NETO1: variants seen among roughly 807,000 people sequenced by gnomAD.
NETO1 encodes neuropilin and tolloid like 1.
NETO1 carries 26 observed loss-of-function variants against 61.3 expected under a neutral mutation model. The observed-to-expected ratio is 0.42, with a 90% CI of 0.31 to 0.59. NETO1 has a LOEUF of 0.59. NETO1 is among the 20% of genes least tolerant of loss of function. The probability of loss-of-function intolerance (pLI) is 0.12; values close to 1 mark genes in which losing one functional copy is unlikely to be tolerated. For synonymous variants in NETO1, 225 were observed against 225.8 expected (o/e 1.00, Z 0.03); for missense variants, 531 against 662.8 (o/e 0.80, Z 2.18).
intron 3 of NETO1, among the ~76,000 whole-genome samples, chr18:72,860,372 G>A (rs528939364): frequency 3.9e-5 from 6 of 152,020 alleles, no homozygotes; most frequent in South Asian, 2.1e-4. Context: ...AAATATACAC[G>A]GAACATCATC....
chr18:72,837,239 G>C (rs1249516286), intron 4 of NETO1, among the ~76,000 whole-genome samples: 2 of 152,144 alleles, frequency 1.3e-5, no homozygotes, highest in African/African-American at 4.8e-5. Flanking sequence ...ATGAGCGCAA[G>C]TTTGGACATC....
intron 7 of NETO1, among the ~76,000 whole-genome samples, chr18:72,756,868 G>A (rs558240717): frequency 4.6e-5 from 7 of 152,138 alleles, no homozygotes; most frequent in East Asian, 3.9e-4. Flanking sequence ...AAATAATGAT[G>A]AGAAAACATG....
chr18:72,763,149 C>A (rs1179101393), intron 7 of NETO1, among the ~76,000 whole-genome samples: 1 of 145,610 alleles, frequency 6.9e-6, no homozygotes, highest in African/African-American at 2.5e-5. Flanking sequence ...TTTTTGAAAT[C>A]CAGAAATCTG....
At chr18:72,754,130 C>T (rs1052393408) in intron 8 of NETO1, among the ~76,000 whole-genome samples, 3 of 152,042 alleles carry the variant, frequency 2.0e-5, no homozygotes, top group Admixed American at 2.0e-4. Context: ...AAATCTAATA[C>T]ATTCTGAGAA....
chr18:72,862,664 G>T lies in NETO1; in HGVS notation c.220+2144C>A, dbSNP rs9945266. ...GAGACAGAGTCTCGCTCTGTCACCC[G>T]GGCTGGAGCGCAGTGGTGCGATCTC... On this transcript the variant is annotated intron_variant, in intron 3 of 10. Coordinates refer to ENST00000327305, the MANE Select transcript of NETO1 (RefSeq NM_138966.5). 4.4e-5 allele frequency among the ~76,000 whole-genome samples: 6 copies of T among 137,210 alleles called. No individual in the cohort carries two copies. In the South Asian group the frequency reaches 1.4e-3, roughly 32 times the overall value. 90.0% of individuals were successfully genotyped at this position (137,210 alleles called of 152,430 possible). A position where few individuals can be genotyped will look rare whatever the true frequency, so the allele number is the denominator to read the frequency against.
chr18:72,847,731 G>A (rs12456017), intron 4 of NETO1, among the ~76,000 whole-genome samples: 45,801 of 152,058 alleles, frequency 0.3, 7,044 homozygotes, highest in East Asian at 0.45. Context: ...TGCATTTGGT[G>A]CATTTGGAAC....
rs1298175487 is a variant in NETO1, at chr18:72,832,861, T to C, written c.469+25965A>G. On this transcript the variant is annotated intron_variant, in intron 4 of 10. Transcript: ENST00000327305. ...TACAGATTTATACACAAATTAATCATAATCATGTTTTCTGAACAGACAGAT... is the reference window on the plus strand; with the variant it reads ...TACAGATTTATACACAAATTAATCACAATCATGTTTTCTGAACAGACAGAT... Among the ~76,000 whole-genome samples, 5 of 152,228 alleles carry C rather than the reference T, an allele frequency of 3.3e-5. 1 individual carries two copies. The highest frequency in any genetic ancestry group is 1.9e-4 in the East Asian group (1 of 5,194).
chr18:72,851,686 G>A (rs746573520), intron 4 of NETO1, among the ~76,000 whole-genome samples: 2 of 152,120 alleles, frequency 1.3e-5, no homozygotes, highest in Non-Finnish European at 2.9e-5. Context: ...GACATTGCGA[G>A]TGGAAAAACA....
In NETO1 at chr18:72,750,249, C is replaced by A. The variant is rs1381465396; in HGVS notation, c.1354G>T (p.Ala452Ser). ...GTGGGCATCTCTGTCAAGATAGAAG[C>A]ATCTCTTGTGCTGAGGTTACTGCGG... is the stretch of plus-strand genomic sequence containing the variant. ...GSRSNLSTRD[A>S]SILTEMPTQP... The change falls in exon 9 of 11, where the codon GCT (alanine) becomes TCT (serine). Residue 452 changes from alanine to serine, a missense_variant. Transcript: ENST00000327305. 1 of 1,614,092 alleles carries A rather than the reference C, an allele frequency of 6.2e-7. No individual in the cohort carries two copies. Among genetic ancestry groups the A allele is most frequent in the Admixed American group, 1.7e-5 (1 of 59,994 alleles).
At chr18:72,792,604 C>T (rs1329261825) in intron 6 of NETO1, among the ~76,000 whole-genome samples, 3 of 151,536 alleles carry the variant, frequency 2.0e-5, no homozygotes, top group Admixed American at 6.6e-5. Flanking sequence ...CTTCTGCTTG[C>T]AGTGTTGACT....
At chr18:72,865,504 A>C in intron 1 of NETO1, 1 of 1,533,752 alleles carries the variant, frequency 6.5e-7, no homozygotes, top group Non-Finnish European at 8.9e-7. Flanking sequence ...CTCTAAAGGC[A>C]ACATGTCAAT....
rs1205758175 is a variant in NETO1, at chr18:72,830,438, G to C, written c.469+28388C>G. Reference sequence around the variant, plus strand: ...AAATTTTGTGAGATCACCTTTGCTGGGCGGTGAAAGGGACCAGGGCATCTA... The same window carrying C: ...AAATTTTGTGAGATCACCTTTGCTGCGCGGTGAAAGGGACCAGGGCATCTA... On this transcript the variant is annotated intron_variant, in intron 4 of 10. Transcript: ENST00000327305. The surrounding 1 kb of genome is among the most constrained non-coding windows in gnomAD (Gnocchi z 4.9). Among the ~76,000 whole-genome samples, 1 of 152,116 alleles carries C rather than the reference G, an allele frequency of 6.6e-6. No homozygotes were observed. The highest frequency in any genetic ancestry group is 2.1e-4 in the South Asian group (1 of 4,820).
chr18:72,774,500 G>A (rs2071478603), intron 7 of NETO1, among the ~76,000 whole-genome samples: 1 of 152,056 alleles, frequency 6.6e-6, no homozygotes, highest in Non-Finnish European at 1.5e-5. Flanking sequence ...CAAAAAAGAT[G>A]CCAAAGTATA....
chr18:72,789,970 T>C (rs900768636), intron 6 of NETO1, among the ~76,000 whole-genome samples: 3 of 152,202 alleles, frequency 2.0e-5, no homozygotes, highest in Non-Finnish European at 4.4e-5. Context: ...CTGTGTTCAT[T>C]AGATAAGTAA....
intron 8 of NETO1, among the ~76,000 whole-genome samples, chr18:72,753,433 C>T (rs1162217396): frequency 6.6e-6 from 1 of 152,132 alleles, no homozygotes; most frequent in Non-Finnish European, 1.5e-5. Flanking sequence ...ACCTGTCAAC[C>T]AAAAACCCAT....
intron 4 of NETO1, among the ~76,000 whole-genome samples, chr18:72,840,760 T>C (rs990834014): frequency 3.9e-5 from 6 of 152,224 alleles, no homozygotes; most frequent in Non-Finnish European, 7.3e-5. Flanking sequence ...GTAAATTTCC[T>C]AGTGAGACCA....
At chr18:72,831,269 A>G (rs1198206926) in intron 4 of NETO1, among the ~76,000 whole-genome samples, 1 of 152,190 alleles carries the variant, frequency 6.6e-6, no homozygotes, top group African/African-American at 2.4e-5. Flanking sequence ...ATCTTCTAAC[A>G]ATGTAAAATC....
intron 7 of NETO1, among the ~76,000 whole-genome samples, chr18:72,759,412 C>CT (rs896077608): frequency 6.6e-6 from 1 of 152,028 alleles, no homozygotes; most frequent in Non-Finnish European, 1.5e-5. Flanking sequence ...TGTGACTATG[C>CT]TTTTTTAAAA....
chr18:72,787,164 T>A (rs536080574), intron 6 of NETO1, among the ~76,000 whole-genome samples: 3 of 150,688 alleles, frequency 2.0e-5, no homozygotes, highest in African/African-American at 7.3e-5. Context: ...ACAAACATGT[T>A]AAGTGGAACA....
Sources: allele counts gnomAD v4.1 joint callset (sites outside exome capture counted in the v4.1 genomes callset), GRCh38; gene constraint gnomAD v4.1.1; non-coding constraint Gnocchi (gnomAD v3.1); transcripts MANE v1.5; gene names NCBI Gene and HGNC (gene_info 2026-07-23, HGNC 2026-07-21).